RPSA: variants seen among roughly 807,000 people sequenced by gnomAD.
RPSA encodes the protein small ribosomal subunit protein uS2.
For synonymous variants in RPSA, 103 were observed against 126.7 expected (o/e 0.81, Z 1.25); for missense variants, 140 against 372.8 (o/e 0.38, Z 5.14).
At chr3:39,407,198 A>G (rs931212525) in intron 1 of RPSA, 1 of 347,516 alleles carries the variant, frequency 2.9e-6, no homozygotes, top group South Asian at 2.1e-5. Context: ...ACAAGTGGTG[A>G]CAGCACAGCG....
chr3:39,408,980 G>A (rs962717615), intron 3 of RPSA: 4 of 399,496 alleles, frequency 1.0e-5, no homozygotes, highest in African/African-American at 8.1e-5. Flanking sequence ...CAGCTACTCA[G>A]GAGGCCAAAG....
In RPSA at chr3:39,411,667, T is replaced by C; in HGVS notation, c.517T>C (p.Leu173=). The C allele has an allele frequency of 6.2e-7, 1 of 1,608,810 alleles. No individual in the cohort carries two copies. Among genetic ancestry groups the C allele is most frequent in the African/African-American group, 1.3e-5 (1 of 75,030 alleles). The change falls in exon 5 of 7, where the codon TTG becomes CTG. Residue 173 remains leucine (L), a synonymous_variant. Transcript: ENST00000301821. The part of the protein sequence containing the change: ...CNNKGAHSVG[L]MWWMLAREVL... ...TTGGCAGGGAGCTCACTCAGTGGGT[T>C]TGATGTGGTGGATGCTGGCTCGGGA...
chr3:39,412,126 T>A, intron 6 of RPSA, 65 bp downstream of exon 6: 1 of 1,476,098 alleles, frequency 6.8e-7, no homozygotes. Context: ...ATTCTAACTT[T>A]AATGATCTCT....
chr3:39,409,401 C>T (rs2041972357), intron 3 of RPSA, among the ~76,000 whole-genome samples: 1 of 151,990 alleles, frequency 6.6e-6, no homozygotes, highest in Non-Finnish European at 1.5e-5. Flanking sequence ...ATGGTTTTAC[C>T]ATTTGGCCAG....
chr3:39,411,553 G>A, intron 4 of RPSA, 96 bp from the exon 5 acceptor site: 2 of 1,317,894 alleles, frequency 1.5e-6, no homozygotes, highest in Non-Finnish European at 2.1e-6. Flanking sequence ...AGAGATGTCT[G>A]TACTTTTGGT....
chr3:39,408,005 G>A (rs2041944659), intron 2 of RPSA: 7 of 517,866 alleles, frequency 1.4e-5, no homozygotes, highest in Non-Finnish European at 2.4e-5. Context: ...CGGGACTTGG[G>A]TTGGGTCATG....
Position 39,407,750 on chromosome 3 carries a change from C to G in RPSA, c.97C>G (p.Gln33Glu), listed in dbSNP as rs1238166670. ...CTTAGGTGGCACCAATCTTGACTTC[C>G]AGATGGAACAGTACATCTATAAAAG... ...THLGGTNLDF[Q>E]MEQYIYKRKS... The change falls in exon 2 of 7, where the codon CAG (glutamine) becomes GAG (glutamate). Residue 33 changes from glutamine to glutamate, a missense_variant. Coordinates refer to ENST00000301821, the MANE Select transcript of RPSA (RefSeq NM_002295.6). The G allele has an allele frequency of 1.3e-6, 2 of 1,597,538 alleles. No homozygotes were observed. The highest frequency in any genetic ancestry group is 2.2e-5 in the South Asian group (2 of 91,064).
intron 3 of RPSA, chr3:39,410,153 A>G (rs923143540): frequency 8.7e-5 from 14 of 161,338 alleles, no homozygotes; most frequent in African/African-American, 3.4e-4. Flanking sequence ...TGAATGAAAA[A>G]TACCTTAATT....
chr3:39,408,869 C>G, intron 3 of RPSA, 145 bp downstream of exon 3: 1 of 609,550 alleles, frequency 1.6e-6, no homozygotes, highest in Non-Finnish European at 3.0e-6. Flanking sequence ...GAGGTGGAGT[C>G]CGGCGTATTA....
chr3:39,407,162 G>A, intron 1 of RPSA: 1 of 359,154 alleles, frequency 2.8e-6, no homozygotes, highest in Non-Finnish European at 5.4e-6. Flanking sequence ...CGGGTCAGGA[G>A]TTAAGGTTCT....
At position 39,407,557 on chromosome 3, in the gene RPSA, T is replaced by G. The variant is rs1437549320; in HGVS notation, c.-33-64T>G. On this transcript the variant is annotated intron_variant, in intron 1 of 6. Coordinates refer to ENST00000301821, the MANE Select transcript of RPSA (RefSeq NM_002295.6). ...TATAGCAGATGGAGTTTTTGGTTGC[T>G]TTTAAGGGTGTGCCCTACTTAACTC... 3.2e-6 allele frequency: 4 copies of G among 1,269,580 alleles called. No individual in the cohort carries two copies. In the African/African-American group the frequency reaches 5.8e-5, roughly 19 times the overall value. 78.6% of individuals were successfully genotyped at this position (1,269,580 alleles called of 1,614,324 possible).
intron 1 of RPSA, chr3:39,406,992 A>C (rs908325856): frequency 2.2e-6 from 1 of 452,426 alleles, no homozygotes; most frequent in Non-Finnish European, 4.4e-6. Context: ...GGAGGCTCCG[A>C]GCTGGGGTTC....
chr3:39,410,510 G>A (rs1271854253), intron 3 of RPSA: 10 of 520,710 alleles, frequency 1.9e-5, no homozygotes, highest in Non-Finnish European at 3.5e-5. Context: ...AATATACTGA[G>A]CATCTAGATT....
chr3:39,411,054 T>C (rs1239194765), intron 4 of RPSA, 55 bp downstream of exon 4: 5 of 1,587,410 alleles, frequency 3.1e-6, no homozygotes, highest in Non-Finnish European at 4.3e-6. Context: ...AAAACATTCC[T>C]GTGCACATTG....
intron 3 of RPSA, chr3:39,410,496 G>A: frequency 2.0e-6 from 1 of 493,646 alleles, no homozygotes; most frequent in Non-Finnish European, 3.7e-6. Flanking sequence ...GCTTGCTTGA[G>A]AAAAATATAC....
chr3:39,407,777 A>G lies in RPSA; in HGVS notation c.124A>G (p.Lys42Glu). Residue 42 changes from lysine to glutamate, a missense_variant, in exon 2 of 7, where the codon AAA becomes GAA. Transcript: ENST00000301821. ...FQMEQYIYKR[K>E]SDGIYIINLK... ...GATGGAACAGTACATCTATAAAAGGAAAAGTGATGGTTAGTCATTGCTTTA... is the reference window on the plus strand; with the variant it reads ...GATGGAACAGTACATCTATAAAAGGGAAAGTGATGGTTAGTCATTGCTTTA... 1 of 1,598,064 alleles carries G rather than the reference A, an allele frequency of 6.3e-7. No homozygotes were observed. The highest frequency in any genetic ancestry group is 8.5e-7 in the Non-Finnish European group (1 of 1,179,504).
intron 3 of RPSA, among the ~76,000 whole-genome samples, chr3:39,409,957 GTC>G (rs949695305): frequency 2.6e-5 from 4 of 152,110 alleles, no homozygotes; most frequent in African/African-American, 7.2e-5. Flanking sequence ...GCAAAACTCC[GTC>G]TCTACCAAAA....
Position 39,412,287 on chromosome 3 carries a change from T to C in RPSA, c.807T>C (p.Ala269=), listed in dbSNP as rs1222419204. ...TTCTCTTAACAGAAGACTGGAGCGC[T>C]CAGCCTGCCACGGAAGACTGGTCTG... ...IQQFPTEDWS[A]QPATEDWSAA... The change falls in exon 7 of 7, where the codon GCT becomes GCC. Residue 269 remains alanine (A), a synonymous_variant. Transcript: ENST00000301821. The C allele has an allele frequency of 6.2e-7, 1 of 1,610,822 alleles. No individual in the cohort carries two copies. The highest frequency in any genetic ancestry group is 8.5e-7 in the Non-Finnish European group (1 of 1,177,214).
intron 1 of RPSA, 173 bp downstream of exon 1, chr3:39,406,937 G>A (rs1189074531): frequency 4.4e-6 from 2 of 453,234 alleles, no homozygotes; most frequent in African/African-American, 4.0e-5. Context: ...TCGGGCTGGC[G>A]GGTTCCCAGA....
Sources: gnomAD v4.1 joint callset for allele counts (sites outside exome capture counted in the v4.1 genomes callset) on GRCh38, gnomAD v4.1.1 for gene constraint, MANE v1.5 for transcripts, NCBI Gene and HGNC (gene_info 2026-07-23, HGNC 2026-07-21) for gene names.